Variants in CACNB4 observed in about 807,000 individuals in gnomAD.
CACNB4 encodes calcium voltage-gated channel auxiliary subunit beta 4.
CACNB4 carries 32 observed loss-of-function variants against 71.2 expected under a neutral mutation model. That is an observed-to-expected ratio of 0.45 (90% confidence interval 0.34 to 0.60). The LOEUF is 0.60. Among genes scored for constraint, CACNB4 ranks in the 20% least tolerant of loss-of-function variants. CACNB4 has a pLI of 0.01. For missense variants in CACNB4, 464 were observed against 647.9 expected, an observed-to-expected ratio of 0.72 and a Z score of 3.08; for synonymous variants, 231 against 236.9, an observed-to-expected ratio of 0.97 and a Z score of 0.23.
At chr2:152,089,769 T>C (rs750799706) in intron 2 of CACNB4, among the ~76,000 whole-genome samples, 9 of 147,780 alleles carry the variant, frequency 6.1e-5, no homozygotes, top group Non-Finnish European at 1.2e-4. Context: ...CCATTTCTAC[T>C]AAAAGTAAAA....
intron 2 of CACNB4, among the ~76,000 whole-genome samples, chr2:152,056,042 A>C (rs1685705959): frequency 6.6e-6 from 1 of 152,188 alleles, no homozygotes; most frequent in African/African-American, 2.4e-5. Flanking sequence ...CAATTGGTTC[A>C]TCAATACCCG....
At chr2:151,965,211 C>T (rs569564903) in intron 2 of CACNB4, among the ~76,000 whole-genome samples, 6 of 152,314 alleles carry the variant, frequency 3.9e-5, no homozygotes, top group South Asian at 4.1e-4. Context: ...GCATGACATT[C>T]GCCATAGTTT....
intron 2 of CACNB4, among the ~76,000 whole-genome samples, chr2:152,092,635 A>G (rs1688037052): frequency 6.6e-6 from 1 of 151,914 alleles, no homozygotes; most frequent in African/African-American, 2.4e-5. Flanking sequence ...ACTTGAATGC[A>G]TTTCAAATGA....
At chr2:151,870,247 T>C (rs1035865353) in intron 8 of CACNB4, 22 of 702,774 alleles carry the variant, frequency 3.1e-5, no homozygotes, top group Non-Finnish European at 5.2e-5. Flanking sequence ...GTCCTTTTCT[T>C]TGCATTTAAT....
intron 12 of CACNB4, among the ~76,000 whole-genome samples, chr2:151,848,531 C>G (rs1408808657): frequency 6.6e-6 from 1 of 152,194 alleles, no homozygotes; most frequent in Non-Finnish European, 1.5e-5. Context: ...TGGGCACTAT[C>G]ATTCGCTCCA....
chr2:151,885,737 A>G (rs1387015289), intron 2 of CACNB4, among the ~76,000 whole-genome samples: 3 of 152,210 alleles, frequency 2.0e-5, no homozygotes, highest in African/African-American at 7.2e-5. Flanking sequence ...GAGGAAATGT[A>G]TTTGTTAACT....
At chr2:151,960,037 G>C (rs903651942) in intron 2 of CACNB4, among the ~76,000 whole-genome samples, 7 of 152,152 alleles carry the variant, frequency 4.6e-5, no homozygotes, top group Admixed American at 1.3e-4. Context: ...TTAAGAATTT[G>C]AGTTATAAAA....
At chr2:152,047,115 G>T (rs1685176548) in intron 2 of CACNB4, among the ~76,000 whole-genome samples, 1 of 152,208 alleles carries the variant, frequency 6.6e-6, no homozygotes, top group South Asian at 2.1e-4. Flanking sequence ...TGCTAAGCAA[G>T]AAGGTAAAAA....
In CACNB4 at chr2:152,098,298, C is replaced by T; in HGVS notation, c.147+32G>A. On this transcript the variant is annotated intron_variant, in intron 2 of 13. Coordinates refer to ENST00000539935, the MANE Select transcript of CACNB4 (RefSeq NM_000726.5). The surrounding 1 kb of genome is among the most constrained non-coding windows in gnomAD (Gnocchi z 5.3). ...CCCCGCGCCGCGCGCTCGGCCTCCT[C>T]CCCATCCTGGTCTCCCGCCTCCTTC... 1 of 1,573,764 alleles carries T rather than the reference C, an allele frequency of 6.4e-7. No individual in the cohort carries two copies.
Position 151,880,937 on chromosome 2 carries a change from A to G in CACNB4, c.268-15T>C, listed in dbSNP as rs764712882. 3 of 1,592,412 alleles carry G rather than the reference A, an allele frequency of 1.9e-6. No individual in the cohort carries two copies. Among genetic ancestry groups the G allele is most frequent in the Non-Finnish European group, 2.6e-6 (3 of 1,168,212 alleles). On this transcript the variant is annotated splice_polypyrimidine_tract_variant and intron_variant, in intron 3 of 13. Coordinates refer to ENST00000539935, the MANE Select transcript of CACNB4 (RefSeq NM_000726.5). The stretch of plus-strand genomic sequence containing the variant: ...ACAGGTTTGGACTAGGGACAGAACC[A>G]TGGAATAAGGAATGAGGAAGGGAGG...
chr2:151,974,387 T>G (rs883170), intron 2 of CACNB4, among the ~76,000 whole-genome samples: 1 of 151,910 alleles, frequency 6.6e-6, no homozygotes, highest in African/African-American at 2.4e-5. Flanking sequence ...AAGAAAAAAA[T>G]GACTAGAATA....
At chr2:151,974,571 T>C (rs2099873434) in intron 2 of CACNB4, among the ~76,000 whole-genome samples, 2 of 152,206 alleles carry the variant, frequency 1.3e-5, no homozygotes, top group Admixed American at 1.3e-4. Context: ...TGCTCTTTAG[T>C]TGAATGTTTT....
intron 2 of CACNB4, among the ~76,000 whole-genome samples, chr2:151,944,948 G>A (rs968721101): frequency 6.6e-6 from 1 of 152,150 alleles, no homozygotes; most frequent in Non-Finnish European, 1.5e-5. Flanking sequence ...ATATTAATAA[G>A]AATAGGAAGA....
chr2:151,870,727 C>T (rs1165706658), intron 7 of CACNB4, 115 bp downstream of exon 7: 2 of 1,216,908 alleles, frequency 1.6e-6, no homozygotes, highest in African/African-American at 3.0e-5. Context: ...ATCAAAGTCC[C>T]CACCGAGGAG....
chr2:152,089,878 C>T (rs1431361515), intron 2 of CACNB4, among the ~76,000 whole-genome samples: 2 of 152,030 alleles, frequency 1.3e-5, no homozygotes, highest in Non-Finnish European at 2.9e-5. Flanking sequence ...GAGGTTGAGG[C>T]TGCAGGGAAC....
chr2:152,051,352 A>G (rs753892870), intron 2 of CACNB4, among the ~76,000 whole-genome samples: 5 of 152,184 alleles, frequency 3.3e-5, no homozygotes, highest in Non-Finnish European at 7.3e-5. Context: ...GTTGTGCTGC[A>G]ACTATCACCA....
In CACNB4 at chr2:151,860,898, T is replaced by C. The variant is rs75103575; in HGVS notation, c.759-78A>G. The stretch of plus-strand genomic sequence containing the variant: ...TCCAAGTGATTTATAACCACAGTAC[T>C]TAATAACCAATTTACATGCTACAGG... On this transcript the variant is annotated intron_variant, in intron 9 of 13. Coordinates refer to ENST00000539935, the MANE Select transcript of CACNB4 (RefSeq NM_000726.5). 5.2e-3 allele frequency: 4,683 copies of C among 897,648 alleles called. 20 individuals are homozygous for C. The highest frequency in any genetic ancestry group is 7.0e-3 in the Non-Finnish European group (3,764 of 538,152). The allele number at this position is 897,648 out of a possible 1,614,324, so 55.6% of individuals were successfully genotyped here.
intron 2 of CACNB4, among the ~76,000 whole-genome samples, chr2:152,003,165 G>A (rs548276758): frequency 4.6e-5 from 7 of 152,208 alleles, no homozygotes; most frequent in South Asian, 2.1e-4. Flanking sequence ...TATCTCGGCC[G>A]GGCATGGTGC....
intron 2 of CACNB4, among the ~76,000 whole-genome samples, chr2:151,980,166 G>A (rs1033578349): frequency 3.3e-5 from 5 of 151,990 alleles, no homozygotes; most frequent in Non-Finnish European, 5.9e-5. Flanking sequence ...TTAATAATAA[G>A]CATCCATAAA....
Sources: gnomAD v4.1 joint callset for allele counts (sites outside exome capture counted in the v4.1 genomes callset) on GRCh38, gnomAD v4.1.1 for gene constraint, Gnocchi (gnomAD v3.1) non-coding constraint, MANE v1.5 for transcripts, NCBI Gene and HGNC (gene_info 2026-07-23, HGNC 2026-07-21) for gene names.